Variants in ZFX observed in about 807,000 individuals in gnomAD.
ZFX encodes the protein zinc finger X-chromosomal protein.
For missense variants in ZFX, 362 were observed against 628.3 expected (o/e 0.58, Z 4.53); for synonymous variants, 196 against 226.8 (o/e 0.86, Z 1.22).
chrX:24,209,235 A>C, intron 9 of ZFX, 195 bp downstream of exon 9: 1 of 653,360 alleles, frequency 1.5e-6, no homozygotes, highest in Non-Finnish European at 2.2e-6. Flanking sequence ...AAGAAACAGG[A>C]CATGGCTGAA....
chrX:24,169,050 C>T (rs746269749), intron 3 of ZFX, among the ~76,000 whole-genome samples: 6 of 111,286 alleles, frequency 5.4e-5, no homozygotes, highest in African/African-American at 2.0e-4. Context: ...GTTCTGAGAA[C>T]AGTTTCATTC....
intron 5 of ZFX, among the ~76,000 whole-genome samples, chrX:24,198,027 A>G (rs752306067): frequency 1.9e-3 from 213 of 111,834 alleles, no homozygotes; most frequent in African/African-American, 6.6e-3. Flanking sequence ...AACTGATTTT[A>G]AAAAAACTAG....
At chrX:24,179,037 A>T (rs1259800407) in intron 4 of ZFX, 146 bp from the exon 5 acceptor site, 5 of 495,820 alleles carry the variant, frequency 1.0e-5, no homozygotes, top group Non-Finnish European at 1.6e-5. Context: ...TCAAAAATAG[A>T]TTCCCTCTTT....
At chrX:24,169,593 T>TAAAA (rs63276860) in intron 3 of ZFX, among the ~76,000 whole-genome samples, 2 of 87,013 alleles carry the variant, frequency 2.3e-5, no homozygotes, top group African/African-American at 4.4e-5. Flanking sequence ...AACTAGGAAT[T>TAAAA]AAAAAAAAAA....
intron 5 of ZFX, among the ~76,000 whole-genome samples, chrX:24,192,948 C>A (rs1489395860): frequency 1.8e-5 from 2 of 108,378 alleles, no homozygotes; most frequent in Non-Finnish European, 3.8e-5. Flanking sequence ...TGTTTAATGA[C>A]TTCTCTTTTC....
chrX:24,205,625 TG>T (rs1367305917), intron 5 of ZFX, among the ~76,000 whole-genome samples: 1 of 111,670 alleles, frequency 9.0e-6, no homozygotes, highest in Non-Finnish European at 1.9e-5. Flanking sequence ...GAGGCCGAGG[TG>T]GGTGGATCAC....
At chrX:24,203,115 G>C (rs1282956240) in intron 5 of ZFX, among the ~76,000 whole-genome samples, 1 of 111,679 alleles carries the variant, frequency 9.0e-6, no homozygotes, top group African/African-American at 3.3e-5. Context: ...TCTTACCCCA[G>C]TCACTCAGTC....
At chrX:24,151,241 A>G (rs1932079652) in intron 1 of ZFX, among the ~76,000 whole-genome samples, 1 of 112,171 alleles carries the variant, frequency 8.9e-6, no homozygotes, top group Non-Finnish European at 1.9e-5. Flanking sequence ...CGGTGGCTGC[A>G]AGAAGTCTCA....
rs767019753 is a variant in ZFX, at chrX:24,156,660, C to CTTTTTTTT, written c.-29+3834_-29+3841dup. ...TATACTATCCTGATTTAATAATAGC[C>CTTTTTTTT]TTTTTTTTTTTGGAGACGGAGTTTT... is the stretch of plus-strand genomic sequence containing the variant. On this transcript the variant is annotated intron_variant, in intron 3 of 9. Transcript: ENST00000304543. Among the ~76,000 whole-genome samples the CTTTTTTTT allele has an allele frequency of 2.3e-4, 19 of 83,578 alleles. 1 individual carries two copies. The highest frequency in any genetic ancestry group is 8.5e-4 in the African/African-American group (16 of 18,864). 72.6% of individuals were successfully genotyped at this position (83,578 alleles called of 115,157 possible).
In ZFX at chrX:24,215,866, T is replaced by G. The variant is rs988570607; in HGVS notation, c.*4490T>G. On this transcript the variant is annotated 3_prime_UTR_variant, in exon 10 of 10. Transcript: ENST00000304543. The stretch of plus-strand genomic sequence containing the variant: ...AGATTGTGTGTGTGTGTGTGTGTGT[T>G]TAATTGGCCCAGGGTTACTTAAATA... 2 of 102,328 alleles carry G rather than the reference T, an allele frequency of 2.0e-5. No individual in the cohort carries two copies. The highest frequency in any genetic ancestry group is 8.6e-4 in the South Asian group (2 of 2,338). The allele number at this position is 102,328 out of a possible 1,213,427, so 8.4% of individuals were successfully genotyped here.
intron 9 of ZFX, 147 bp downstream of exon 9, chrX:24,209,187 G>C: frequency 1.2e-6 from 1 of 853,340 alleles, no homozygotes; most frequent in Admixed American, 4.2e-5. Flanking sequence ...ATAATTTTCA[G>C]AATTCAGTGA....
In ZFX at chrX:24,213,478, G is replaced by C. The variant is rs1352490106; in HGVS notation, c.*2102G>C. 9.0e-6 allele frequency: 1 copy of C among 111,108 alleles called. No individual in the cohort carries two copies. Among genetic ancestry groups the C allele is most frequent in the Admixed American group, 9.7e-5 (1 of 10,351 alleles). 9.2% of individuals were successfully genotyped at this position (111,108 alleles called of 1,213,427 possible). A position where few individuals can be genotyped will look rare whatever the true frequency, so the allele number is the denominator to read the frequency against. On this transcript the variant is annotated 3_prime_UTR_variant, in exon 10 of 10. Transcript: ENST00000304543. The stretch of plus-strand genomic sequence containing the variant: ...CTTTGCCATTGATGTTTGTATTCAA[G>C]AGTTATATTTTTAGGGTTAGAAATC...
intron 5 of ZFX, 140 bp from the exon 6 acceptor site, chrX:24,207,186 G>A: frequency 3.4e-6 from 2 of 579,827 alleles, no homozygotes; most frequent in Non-Finnish European, 5.3e-6. Flanking sequence ...TCAGTGAGCT[G>A]AGATCGCGCC....
chrX:24,196,805 A>C (rs1468518980), intron 5 of ZFX, among the ~76,000 whole-genome samples: 1 of 111,642 alleles, frequency 9.0e-6, no homozygotes, highest in Non-Finnish European at 1.9e-5. Flanking sequence ...TATGTTGTCC[A>C]GGCTGGTCTC....
Position 24,179,781 on chromosome X carries a change from G to T in ZFX, c.646+11G>T, listed in dbSNP as rs377493975. 5.1e-6 allele frequency: 6 copies of T among 1,183,562 alleles called. No homozygotes were observed. The highest frequency in any genetic ancestry group is 6.8e-6 in the Non-Finnish European group (6 of 881,437). On this transcript the variant is annotated intron_variant, in intron 5 of 9. Transcript: ENST00000304543. ...ACCTTATGATTTCCTGTAAGTCTTG[G>T]GGTACAGTGATTGTCAAAGGTGTTT...
intron 5 of ZFX, among the ~76,000 whole-genome samples, chrX:24,203,491 C>T (rs1601960915): frequency 8.9e-6 from 1 of 112,489 alleles, no homozygotes; most frequent in Middle Eastern, 4.6e-3. Context: ...GGTCCCAGCG[C>T]TGCAGATTCT....
At chrX:24,183,647 T>A (rs760609918) in intron 5 of ZFX, among the ~76,000 whole-genome samples, 105 of 111,869 alleles carry the variant, frequency 9.4e-4, no homozygotes, top group African/African-American at 3.2e-3. Flanking sequence ...ATATAAACTT[T>A]ATTTCAGGCA....
chrX:24,156,923 G>A (rs1174222287), intron 3 of ZFX, among the ~76,000 whole-genome samples: 6 of 111,456 alleles, frequency 5.4e-5, no homozygotes, highest in Admixed American at 4.8e-4. Context: ...CAAAGTGCTG[G>A]GATTACAGGC....
Position 24,206,905 on chromosome X carries a change from C to G in ZFX, c.647-421C>G, listed in dbSNP as rs1937617140. On this transcript the variant is annotated intron_variant, in intron 5 of 9. Coordinates refer to ENST00000304543, the MANE Select transcript of ZFX (RefSeq NM_003410.4). ...AATCTTCTAGTTGTCTAGGTAAAAT[C>G]CAATTTTATGTGAATCAAGTTAGAG... 3.6e-5 allele frequency among the ~76,000 whole-genome samples: 4 copies of G among 110,534 alleles called. No homozygotes were observed. The South Asian group carries it at 1.5e-3, about 42-fold the overall frequency.
Sources: gnomAD v4.1 joint callset for allele counts (sites outside exome capture counted in the v4.1 genomes callset) on GRCh38, gnomAD v4.1.1 for gene constraint, MANE v1.5 for transcripts, NCBI Gene and HGNC (gene_info 2026-07-23, HGNC 2026-07-21) for gene names.